Variants in LEMD3 observed in about 807,000 individuals in gnomAD.
LEMD3 encodes LEM domain containing 3.
Under a neutral mutation model 95.2 loss-of-function variants are expected in LEMD3, and 33 were observed. The observed-to-expected ratio is 0.35, with a 90% CI of 0.26 to 0.46. The LOEUF is 0.46. LEMD3 is among the 20% of genes least tolerant of loss of function. The pLI is 1.00. For synonymous variants in LEMD3, 525 were observed against 474.6 expected, an observed-to-expected ratio of 1.11 and a Z score of -1.38; for missense variants, 1,210 against 1,192.8, an observed-to-expected ratio of 1.01 and a Z score of -0.21.
intron 1 of LEMD3, among the ~76,000 whole-genome samples, chr12:65,208,582 G>T (rs941964528): frequency 1.3e-5 from 2 of 152,104 alleles, no homozygotes; most frequent in Non-Finnish European, 2.9e-5. Flanking sequence ...AGATATTGGT[G>T]TGTTTTTAGA....
intron 1 of LEMD3, among the ~76,000 whole-genome samples, chr12:65,185,187 G>A (rs970120316): frequency 2.0e-5 from 3 of 152,040 alleles, no homozygotes; most frequent in African/African-American, 7.2e-5. Context: ...ATATAATGTT[G>A]TAGAGCTCTG....
rs1401327698 is a variant in LEMD3, at chr12:65,246,737, T to A, written c.*412T>A. ...TGTATACAGTCACCTGCATAGTTCC[T>A]ACAGGCTAATGTGGTAAAACTGTTG... On this transcript the variant is annotated 3_prime_UTR_variant, in exon 13 of 13. Transcript: ENST00000308330. 1 of 194,842 alleles carries A rather than the reference T, an allele frequency of 5.1e-6. No homozygotes were observed. Among genetic ancestry groups the A allele is most frequent in the African/African-American group, 2.4e-5 (1 of 42,108 alleles). The allele number at this position is 194,842 out of a possible 1,614,324, so 12.1% of individuals were successfully genotyped here.
At chr12:65,226,214 G>A (rs1023420513) in intron 4 of LEMD3, among the ~76,000 whole-genome samples, 3 of 152,258 alleles carry the variant, frequency 2.0e-5, no homozygotes, top group Non-Finnish European at 4.4e-5. Context: ...TTAGATGTAT[G>A]TTCTAGTCTT....
At chr12:65,190,346 G>A (rs1869199558) in intron 1 of LEMD3, among the ~76,000 whole-genome samples, 1 of 152,034 alleles carries the variant, frequency 6.6e-6, no homozygotes, top group Admixed American at 6.6e-5. Context: ...ATTTATGTTG[G>A]GGTTGGACAC....
intron 1 of LEMD3, among the ~76,000 whole-genome samples, chr12:65,174,701 A>G (rs115241191): frequency 0.024 from 3,580 of 152,110 alleles, 165 homozygotes; most frequent in African/African-American, 0.082. Context: ...CAGAGTGTCT[A>G]CTATGTGCCC....
chr12:65,228,126 C>T (rs1870510777), intron 4 of LEMD3, among the ~76,000 whole-genome samples: 1 of 152,082 alleles, frequency 6.6e-6, no homozygotes, highest in Non-Finnish European at 1.5e-5. Flanking sequence ...ACCTCTCTTT[C>T]ACTTCTTCCA....
At chr12:65,215,030 A>T (rs1455901878) in intron 2 of LEMD3, among the ~76,000 whole-genome samples, 1 of 152,170 alleles carries the variant, frequency 6.6e-6, no homozygotes, top group Non-Finnish European at 1.5e-5. Context: ...CTGATGCACA[A>T]GTCTGTTTTA....
At chr12:65,215,800 A>G (rs1437145808) in intron 2 of LEMD3, among the ~76,000 whole-genome samples, 177 bp from the exon 3 acceptor site, 1 of 152,010 alleles carries the variant, frequency 6.6e-6, no homozygotes, top group Non-Finnish European at 1.5e-5. Flanking sequence ...AATAATTTAG[A>G]GTCTTAGATT....
chr12:65,200,140 G>C (rs1311675164), intron 1 of LEMD3, among the ~76,000 whole-genome samples: 1 of 151,600 alleles, frequency 6.6e-6, no homozygotes, highest in Non-Finnish European at 1.5e-5. Context: ...ACTGGTCACC[G>C]GCCTAGTCTT....
intron 3 of LEMD3, among the ~76,000 whole-genome samples, chr12:65,218,140 A>AT (rs777862041): frequency 1.3e-5 from 2 of 152,232 alleles, no homozygotes; most frequent in South Asian, 2.1e-4. Context: ...AGTTAGCACA[A>AT]TGAATATGCT....
At chr12:65,203,246 A>C (rs1314717513) in intron 1 of LEMD3, among the ~76,000 whole-genome samples, 1 of 151,018 alleles carries the variant, frequency 6.6e-6, no homozygotes, top group African/African-American at 2.4e-5. Context: ...GCAGTAGGGT[A>C]TGAATAACTC....
chr12:65,178,002 A>T (rs888376750), intron 1 of LEMD3, among the ~76,000 whole-genome samples: 3 of 151,846 alleles, frequency 2.0e-5, no homozygotes, highest in Admixed American at 1.3e-4. Context: ...GCATCACCAC[A>T]TCTGGCAAAT....
In LEMD3 at chr12:65,170,649, C is replaced by A; in HGVS notation, c.1053C>A (p.Ser351=). The change falls in exon 1 of 13, where the codon TCC becomes TCA. Residue 351 remains serine (S), a synonymous_variant. Transcript: ENST00000308330. The stretch of plus-strand genomic sequence containing the variant: ...GAGGAGGGTGTGATCAAGTGGACTC[C>A]AGCCCCGTTCCTAGATACCGTGTTA... ...EQGGGCDQVD[S]SPVPRYRVNA... 6.2e-7 allele frequency: 1 copy of A among 1,614,170 alleles called. No individual in the cohort carries two copies. Among genetic ancestry groups the A allele is most frequent in the South Asian group, 1.1e-5 (1 of 91,084 alleles).
At position 65,169,678 on chromosome 12, in the gene LEMD3, C is replaced by G. The variant is rs1488713005; in HGVS notation, c.82C>G (p.Pro28Ala). Residue 28 changes from proline to alanine, a missense_variant, in exon 1 of 13, where the codon CCC (proline) becomes GCC (alanine). Coordinates refer to ENST00000308330, the MANE Select transcript of LEMD3 (RefSeq NM_014319.5). ...TCAGCTCCGCCGTTACGGCCTGTCT[C>G]CCGGACCAGTGACGGAGAGCACCCG... ...FSQLRRYGLSPGPVTESTRPV... is the reference protein window; with the variant it reads ...FSQLRRYGLSAGPVTESTRPV... 1 of 1,586,482 alleles carries G rather than the reference C, an allele frequency of 6.3e-7. No individual in the cohort carries two copies. Among genetic ancestry groups the G allele is most frequent in the Non-Finnish European group, 8.6e-7 (1 of 1,167,278 alleles).
intron 4 of LEMD3, among the ~76,000 whole-genome samples, chr12:65,229,161 T>C (rs1870549055): frequency 6.6e-6 from 1 of 152,164 alleles, no homozygotes; most frequent in Non-Finnish European, 1.5e-5. Context: ...CTTTCTGTGG[T>C]TGGCTTATTT....
chr12:65,187,754 G>A (rs1015018248), intron 1 of LEMD3, among the ~76,000 whole-genome samples: 6 of 151,978 alleles, frequency 3.9e-5, no homozygotes, highest in Admixed American at 3.9e-4. Flanking sequence ...CAGGGTGAGG[G>A]TTCATAAATT....
Position 65,196,857 on chromosome 12 carries a change from C to T in LEMD3, c.1523-14069C>T, listed in dbSNP as rs540503819. Among the ~76,000 whole-genome samples the T allele has an allele frequency of 3.9e-5, 6 of 152,178 alleles. No individual in the cohort carries two copies. The East Asian group carries it at 1.2e-3, about 29-fold the overall frequency. ...TATCATTGGTGGGATCTCCTTCAGA[C>T]CCTCATTTCTAACACTAGAACTATT... On this transcript the variant is annotated intron_variant, in intron 1 of 12. Transcript: ENST00000308330.
intron 10 of LEMD3, 42 bp from the exon 11 acceptor site, chr12:65,245,627 G>A (rs374142911): frequency 1.3e-5 from 17 of 1,349,996 alleles, no homozygotes; most frequent in Non-Finnish European, 1.8e-5. Flanking sequence ...TTTTTACCGA[G>A]TAGGAATATG....
intron 4 of LEMD3, among the ~76,000 whole-genome samples, chr12:65,220,254 T>C (rs1368007336): frequency 2.0e-5 from 3 of 152,236 alleles, no homozygotes; most frequent in African/African-American, 7.2e-5. Context: ...CCCTGATGAT[T>C]ACTGATGTTG....
Sources: gnomAD v4.1 joint callset for allele counts (sites outside exome capture counted in the v4.1 genomes callset) on GRCh38, gnomAD v4.1.1 for gene constraint, MANE v1.5 for transcripts, NCBI Gene and HGNC (gene_info 2026-07-23, HGNC 2026-07-21) for gene names.